FNBP4: variants seen among roughly 807,000 people sequenced by gnomAD.
FNBP4 encodes the protein formin-binding protein 4.
FNBP4 carries 34 observed loss-of-function variants against 119.3 expected under a neutral mutation model. The ratio of observed to expected loss-of-function variants is 0.28; its 90% CI spans 0.22 to 0.38. The LOEUF is 0.38. FNBP4 is among the 10% of genes least tolerant of loss of function. The probability of loss-of-function intolerance (pLI) is 1.00; values close to 1 mark genes in which losing one functional copy is unlikely to be tolerated. For synonymous variants in FNBP4, 462 were observed against 430.6 expected (o/e 1.07, Z -0.90); for missense variants, 1,112 against 1,228.9 (o/e 0.90, Z 1.42).
intron 7 of FNBP4, 48 bp from the exon 8 acceptor site, chr11:47,744,211 T>C (rs781225498): frequency 1.4e-6 from 2 of 1,429,156 alleles, no homozygotes; most frequent in South Asian, 1.2e-5. Context: ...TGCTTATTAA[T>C]ATGTATAATC....
intron 12 of FNBP4, chr11:47,725,622 C>T: frequency 4.6e-6 from 1 of 216,572 alleles, no homozygotes; most frequent in Non-Finnish European, 7.9e-6. Context: ...TACGAAATTG[C>T]AGCTGAAAAG....
intron 2 of FNBP4, among the ~76,000 whole-genome samples, chr11:47,764,191 G>A (rs746733607): frequency 1.3e-5 from 2 of 152,110 alleles, no homozygotes; most frequent in Non-Finnish European, 2.9e-5. Flanking sequence ...TCAGTTCACT[G>A]CAACCTCCAC....
rs2097557510 is a variant in FNBP4, at chr11:47,723,008, G to A, written c.2773C>T (p.Pro925Ser). ...PPPPAPKMPP[P>S]EKTKKGRKDK... ...TTCCTTCCTTTTTTTGTCTTTTCAG[G>A]TGGTGGCATTTTGGGAGCTGGTGGT... Residue 925 changes from proline to serine, a missense_variant, in exon 15 of 17, where the codon CCT becomes TCT. Pro to Ser is a moderately conservative substitution (Grantham distance 74). Around this residue, in one of 2 missense-constraint regions of FNBP4, gnomAD observed 826 missense variants for 988.8 expected, o/e 0.84. Transcript: ENST00000263773. 1 of 1,558,368 alleles carries A rather than the reference G, an allele frequency of 6.4e-7. No individual in the cohort carries two copies. Among genetic ancestry groups the A allele is most frequent in the Non-Finnish European group, 8.7e-7 (1 of 1,151,694 alleles).
chr11:47,752,476 A>AAAGTCT (rs2097606106), intron 4 of FNBP4, among the ~76,000 whole-genome samples: 1 of 151,850 alleles, frequency 6.6e-6, no homozygotes, highest in African/African-American at 2.4e-5. Flanking sequence ...ACAGAATCCT[A>AAAGTCT]AAGTCTAAGG....
At chr11:47,762,248 C>A (rs1463498688) in intron 2 of FNBP4, among the ~76,000 whole-genome samples, 1 of 151,942 alleles carries the variant, frequency 6.6e-6, no homozygotes, top group African/African-American at 2.4e-5. Flanking sequence ...TCTCCCACCT[C>A]AGCCTCACGA....
At chr11:47,765,408 A>AGAAAG in intron 1 of FNBP4, 46 bp from the exon 2 acceptor site, 1 of 1,387,014 alleles carries the variant, frequency 7.2e-7, no homozygotes, top group Non-Finnish European at 1.0e-6. Context: ...AGAAAAGAAA[A>AGAAAG]GAAAAGAAAA....
At chr11:47,737,582 G>C (rs2097576003) in intron 8 of FNBP4, among the ~76,000 whole-genome samples, 1 of 151,978 alleles carries the variant, frequency 6.6e-6, no homozygotes, top group South Asian at 2.1e-4. Flanking sequence ...TGGGACTACA[G>C]GCAGGTGCCA....
chr11:47,744,190 G>A, intron 7 of FNBP4, 27 bp from the exon 8 acceptor site: 5 of 1,533,688 alleles, frequency 3.3e-6, no homozygotes, highest in Non-Finnish European at 4.5e-6. Context: ...AATTAAGTTA[G>A]TGTCATTAAC....
intron 2 of FNBP4, among the ~76,000 whole-genome samples, 194 bp from the exon 3 acceptor site, chr11:47,754,858 T>C (rs1214932555): frequency 1.3e-5 from 2 of 151,996 alleles, no homozygotes; most frequent in Non-Finnish European, 2.9e-5. Flanking sequence ...AATTGATCTA[T>C]AGGCCTGGTG....
chr11:47,752,889 C>A, intron 4 of FNBP4, 27 bp downstream of exon 4: 1 of 1,580,108 alleles, frequency 6.3e-7, no homozygotes, highest in Non-Finnish European at 8.6e-7. Flanking sequence ...TTTTACTTTT[C>A]TTTAAAAATC....
chr11:47,753,122 A>G lies in FNBP4; in HGVS notation c.451-20T>C, dbSNP rs1278571557. 11 of 1,566,478 alleles carry G rather than the reference A, an allele frequency of 7.0e-6. No homozygotes were observed. The highest frequency in any genetic ancestry group is 9.5e-6 in the Non-Finnish European group (11 of 1,159,896). ...GATCTCCTTCAGTATGAAAAGAGTA[A>G]CAAATGCAGTAATTATATCAAAAAC... On this transcript the variant is annotated intron_variant, in intron 3 of 16. Coordinates refer to ENST00000263773, the MANE Select transcript of FNBP4 (RefSeq NM_015308.5).
At chr11:47,734,995 A>AG (rs1231962098) in intron 9 of FNBP4, among the ~76,000 whole-genome samples, 2 of 141,514 alleles carry the variant, frequency 1.4e-5, no homozygotes, top group Non-Finnish European at 3.1e-5. Flanking sequence ...CCCCCAAAAA[A>AG]AAAGGAAATC....
intron 6 of FNBP4, among the ~76,000 whole-genome samples, chr11:47,750,449 G>A (rs1194334739): frequency 7.0e-6 from 1 of 143,764 alleles, no homozygotes; most frequent in Non-Finnish European, 1.5e-5. Context: ...CAGCACTCTG[G>A]GAGGCCAAGG....
At chr11:47,731,124 A>G (rs1381544037) in intron 12 of FNBP4, among the ~76,000 whole-genome samples, 1 of 152,204 alleles carries the variant, frequency 6.6e-6, no homozygotes, top group East Asian at 1.9e-4. Flanking sequence ...TAGAATGGTT[A>G]TAAAACAATT....
chr11:47,751,846 G>C (rs1231610289), intron 4 of FNBP4, among the ~76,000 whole-genome samples: 2 of 151,444 alleles, frequency 1.3e-5, no homozygotes, highest in African/African-American at 4.9e-5. Context: ...TACTCGGGAG[G>C]CTGAGGCAGG....
At position 47,754,645 on chromosome 11, in the gene FNBP4, A is replaced by G; in HGVS notation, c.333T>C (p.Gly111=). Residue 111 remains glycine, a synonymous_variant, in exon 3 of 17, where the codon GGT becomes GGC. Coordinates refer to ENST00000263773, the MANE Select transcript of FNBP4 (RefSeq NM_015308.5). ...CATCGTCATCACTGTCAGCATAAGC[A>G]CCAAGCAAGCATAGACCGCCTAGAA... ...VKATGGLCLL[G]AYADSDDDDN... 6.2e-7 allele frequency: 1 copy of G among 1,614,154 alleles called. No individual in the cohort carries two copies. The highest frequency in any genetic ancestry group is 1.3e-5 in the African/African-American group (1 of 75,038).
At chr11:47,722,854 G>A (rs1364232656) in intron 15 of FNBP4, 122 bp downstream of exon 15, 12 of 1,164,334 alleles carry the variant, frequency 1.0e-5, no homozygotes, top group African/African-American at 1.5e-5. Context: ...GCCTCCCAAA[G>A]TGCTGGGATT....
chr11:47,733,637 G>C (rs1374740859), intron 10 of FNBP4, among the ~76,000 whole-genome samples: 1 of 151,904 alleles, frequency 6.6e-6, no homozygotes, highest in East Asian at 1.9e-4. Flanking sequence ...CCTGGCCAAG[G>C]GTTCAGTTCT....
chr11:47,724,298 T>C (rs550950890), intron 13 of FNBP4, 126 bp from the exon 14 acceptor site: 153 of 1,510,578 alleles, frequency 1.0e-4, no homozygotes, highest in Middle Eastern at 3.5e-4. Flanking sequence ...TCATGACTCA[T>C]TGCAGCCTCC....
Sources: allele counts gnomAD v4.1 joint callset (sites outside exome capture counted in the v4.1 genomes callset), GRCh38; gene constraint gnomAD v4.1.1; regional missense constraint gnomAD v4.1.1; transcripts MANE v1.5; gene names NCBI Gene and HGNC (gene_info 2026-07-23, HGNC 2026-07-21).